Variants in RABGAP1L observed in about 807,000 individuals in gnomAD.
RABGAP1L encodes the protein rab GTPase-activating protein 1-like.
Under a neutral mutation model 137.7 loss-of-function variants are expected in RABGAP1L, and 63 were observed. The observed-to-expected ratio is 0.46, with a 90% CI of 0.37 to 0.56. The LOEUF (loss-of-function observed/expected upper bound fraction) is 0.56, where lower values mean the gene tolerates loss of function less well. Ranked by LOEUF, RABGAP1L falls within the 20% of genes least tolerant of loss-of-function variation. The probability of loss-of-function intolerance (pLI) is 0.00; values close to 1 mark genes in which losing one functional copy is unlikely to be tolerated. For synonymous variants in RABGAP1L, 431 were observed against 433.7 expected, an observed-to-expected ratio of 0.99 and a Z score of 0.08; for missense variants, 1,095 against 1,244.0, an observed-to-expected ratio of 0.88 and a Z score of 1.80.
Position 174,529,255 on chromosome 1 carries a change from C to T in RABGAP1L, c.1711-108120C>T, listed in dbSNP as rs535449269. Among the ~76,000 whole-genome samples, 5 of 152,074 alleles carry T rather than the reference C, an allele frequency of 3.3e-5. No homozygotes were observed. In the East Asian group the frequency reaches 5.8e-4, roughly 18 times the overall value. ...ATTAATATCTATACATCTCATATAA[C>T]AGTCGCTTCTTTCAGTTTTTTGAAT... On this transcript the variant is annotated intron_variant, in intron 13 of 25. Coordinates refer to ENST00000681986, the MANE Select transcript of RABGAP1L (RefSeq NM_001366446.1).
rs547479894 is a variant in RABGAP1L, at chr1:174,543,940, T to G, written c.1711-93435T>G. ...TATTGTCCCCCACTGTCTTCTGGCT[T>G]GTAAACTTTCTGCCGAGAGATCCGC... On this transcript the variant is annotated intron_variant, in intron 13 of 25. Transcript: ENST00000681986. 2.6e-5 allele frequency among the ~76,000 whole-genome samples: 4 copies of G among 152,376 alleles called. No homozygotes were observed. The South Asian group carries it at 8.3e-4, about 32-fold the overall frequency.
intron 13 of RABGAP1L, among the ~76,000 whole-genome samples, chr1:174,416,294 G>A (rs923554710): frequency 9.2e-5 from 14 of 151,944 alleles, no homozygotes; most frequent in African/African-American, 3.4e-4. Context: ...AAAGGAAACT[G>A]CTCATCAGCT....
intron 19 of RABGAP1L, among the ~76,000 whole-genome samples, chr1:174,862,505 T>C (rs903473480): frequency 2.0e-5 from 3 of 152,124 alleles, no homozygotes; most frequent in Non-Finnish European, 4.4e-5. Flanking sequence ...GGTGTAATGA[T>C]CACTGTTTTG....
intron 4 of RABGAP1L, among the ~76,000 whole-genome samples, chr1:174,232,344 G>A (rs1002921280): frequency 3.3e-5 from 5 of 151,814 alleles, no homozygotes; most frequent in Admixed American, 6.6e-5. Flanking sequence ...AATTTGCCAC[G>A]TGTGGTGGCA....
At chr1:174,352,310 G>A (rs1683269000) in intron 11 of RABGAP1L, among the ~76,000 whole-genome samples, 1 of 151,532 alleles carries the variant, frequency 6.6e-6, no homozygotes, top group South Asian at 2.1e-4. Context: ...CTGTCTTCAA[G>A]GTGACTAATT....
chr1:174,542,289 C>G (rs1305946064), intron 13 of RABGAP1L, among the ~76,000 whole-genome samples: 3 of 152,094 alleles, frequency 2.0e-5, no homozygotes. Flanking sequence ...TTGGACTATT[C>G]AGGGATTCAA....
chr1:174,250,550 G>A lies in RABGAP1L; in HGVS notation c.793G>A (p.Val265Ile). ...SRQVSDVKDS[V>I]IPTPDSDVFT... ...ACAAGTGTCTGATGTTAAAGACTCA[G>A]TTATTCCTACCCCCGACAGTGATGT... is the stretch of plus-strand genomic sequence containing the variant. The change falls in exon 6 of 26, where the codon GTT (valine) becomes ATT (isoleucine). Residue 265 changes from valine to isoleucine, a missense_variant. This residue lies in a region of RABGAP1L where 356 missense variants were observed against 326.3 expected (regional missense o/e 1.09). Transcript: ENST00000681986. 6.2e-7 allele frequency: 1 copy of A among 1,613,812 alleles called. No homozygotes were observed. The highest frequency in any genetic ancestry group is 8.5e-7 in the Non-Finnish European group (1 of 1,179,802).
intron 19 of RABGAP1L, among the ~76,000 whole-genome samples, chr1:174,869,120 A>C (rs1651779647): frequency 6.6e-6 from 1 of 152,080 alleles, no homozygotes; most frequent in Admixed American, 6.5e-5. Context: ...CCTGTACATC[A>C]TTTTTATTAA....
intron 19 of RABGAP1L, among the ~76,000 whole-genome samples, chr1:174,850,396 T>C (rs1648095168): frequency 1.3e-5 from 2 of 152,232 alleles, no homozygotes; most frequent in Admixed American, 1.3e-4. Context: ...AAACAGTTAT[T>C]ATTCCCAGGG....
chr1:174,913,464 C>T (rs1005046467), intron 19 of RABGAP1L, among the ~76,000 whole-genome samples: 1 of 152,104 alleles, frequency 6.6e-6, no homozygotes, highest in Admixed American at 6.6e-5. Flanking sequence ...TTTTTCTTGT[C>T]TTGCCTGAAG....
At chr1:174,469,396 T>A in intron 13 of RABGAP1L, among the ~76,000 whole-genome samples, 1 of 152,210 alleles carries the variant, frequency 6.6e-6, no homozygotes, top group East Asian at 1.9e-4. Context: ...CCAACATTTC[T>A]CAGAAGTATA....
chr1:174,305,408 A>T (rs565785284), intron 11 of RABGAP1L, among the ~76,000 whole-genome samples: 4 of 151,998 alleles, frequency 2.6e-5, no homozygotes, highest in Admixed American at 6.6e-5. Context: ...TTTTCTTGAG[A>T]TAGAGTCTCC....
chr1:174,564,001 C>T (rs1572340025), intron 13 of RABGAP1L, among the ~76,000 whole-genome samples: 1 of 152,198 alleles, frequency 6.6e-6, no homozygotes, highest in East Asian at 1.9e-4. Flanking sequence ...GGGATGGTTA[C>T]TCCAGCTCCT....
chr1:174,395,375 T>C (rs565974371), intron 13 of RABGAP1L, among the ~76,000 whole-genome samples: 1 of 152,198 alleles, frequency 6.6e-6, no homozygotes, highest in East Asian at 1.9e-4. Context: ...CACAGGATGC[T>C]GCATGTCAAG....
At chr1:174,532,492 C>A (rs1317869698) in intron 13 of RABGAP1L, among the ~76,000 whole-genome samples, 1 of 152,100 alleles carries the variant, frequency 6.6e-6, no homozygotes, top group Non-Finnish European at 1.5e-5. Context: ...CAGGCATGAG[C>A]CACTGCGCTC....
chr1:174,300,397 T>C (rs1003189484), intron 10 of RABGAP1L, among the ~76,000 whole-genome samples: 2 of 151,910 alleles, frequency 1.3e-5, no homozygotes, highest in African/African-American at 4.8e-5. Context: ...TGGTGGCGCA[T>C]GCCTGTAATC....
At chr1:174,881,544 G>A (rs992642294) in intron 19 of RABGAP1L, among the ~76,000 whole-genome samples, 1 of 128,926 alleles carries the variant, frequency 7.8e-6, no homozygotes, top group Admixed American at 9.1e-5. Context: ...CTGTCACCTA[G>A]GCTGGAGTAC....
chr1:174,548,230 T>G, intron 13 of RABGAP1L: 5 of 1,415,756 alleles, frequency 3.5e-6, no homozygotes, highest in Non-Finnish European at 4.6e-6. Context: ...ATCTACAGAA[T>G]TGAAGCCAAG....
intron 10 of RABGAP1L, among the ~76,000 whole-genome samples, chr1:174,285,037 A>C (rs1183582229): frequency 6.6e-6 from 1 of 151,312 alleles, no homozygotes; most frequent in African/African-American, 2.4e-5. Context: ...TTGTTTTGTG[A>C]TGGAGTGTTG....
Sources: gnomAD v4.1 joint callset for allele counts (sites outside exome capture counted in the v4.1 genomes callset) on GRCh38, gnomAD v4.1.1 for gene constraint, gnomAD v4.1.1 regional missense constraint, MANE v1.5 for transcripts, NCBI Gene and HGNC (gene_info 2026-07-23, HGNC 2026-07-21) for gene names.